Variants in PCDHGA2 observed in about 807,000 individuals in gnomAD.
PCDHGA2 encodes the protein protocadherin gamma-A2.
In PCDHGA2, 40 loss-of-function variants were observed where a neutral mutation model predicts 59.2. The observed-to-expected ratio is 0.68, with a 90% CI of 0.52 to 0.88. The LOEUF is 0.88. PCDHGA2 is among the 40% of genes least tolerant of loss of function. The pLI, the probability that PCDHGA2 is intolerant of heterozygous loss-of-function variation, is 0.00. For synonymous variants in PCDHGA2, 560 were observed against 526.0 expected, an observed-to-expected ratio of 1.06 and a Z score of -0.89; for missense variants, 1,226 against 1,204.0, an observed-to-expected ratio of 1.02 and a Z score of -0.27.
chr5:141,459,259 G>T (rs996530664), intron 1 of PCDHGA2, among the ~76,000 whole-genome samples: 1 of 152,140 alleles, frequency 6.6e-6, no homozygotes, highest in Non-Finnish European at 1.5e-5. Context: ...ATAAATTAGT[G>T]TTGCCTCTTT....
At chr5:141,357,048 A>G (rs754579406) in intron 1 of PCDHGA2, 6 of 1,613,890 alleles carry the variant, frequency 3.7e-6, no homozygotes, top group East Asian at 2.2e-5. Flanking sequence ...AGCCGGGACT[A>G]TTTGCAGTGG....
At chr5:141,371,306 TG>T in intron 1 of PCDHGA2, 1 of 1,613,950 alleles carries the variant, frequency 6.2e-7, no homozygotes, top group Non-Finnish European at 8.5e-7. Flanking sequence ...TCACCACTAT[TG>T]GAGAACTGGA....
intron 1 of PCDHGA2, among the ~76,000 whole-genome samples, chr5:141,368,786 T>A (rs997077499): frequency 6.6e-6 from 1 of 152,202 alleles, no homozygotes; most frequent in Non-Finnish European, 1.5e-5. Flanking sequence ...TTCTGAAGAA[T>A]AATTTTTCAT....
Position 141,344,046 on chromosome 5 carries a change from C to T in PCDHGA2, c.2424+2651C>T, listed in dbSNP as rs76843294. 7.8e-4 allele frequency: 1,215 copies of T among 1,556,366 alleles called. 14 individuals carry two copies. In the African/African-American group the frequency reaches 0.015, roughly 19 times the overall value. On this transcript the variant is annotated intron_variant, in intron 1 of 3. Coordinates refer to ENST00000394576, the MANE Select transcript of PCDHGA2 (RefSeq NM_018915.4). The stretch of plus-strand genomic sequence containing the variant: ...CACCGAAAAGGAAATGACCAATTGC[C>T]TGAGTTTCCGAAATGGCAGAGGACT...
intron 1 of PCDHGA2, chr5:141,420,339 T>C: frequency 7.2e-7 from 1 of 1,395,458 alleles, no homozygotes; most frequent in Non-Finnish European, 9.6e-7. Context: ...TCCAATATAG[T>C]GGTATTATTT....
intron 2 of PCDHGA2, among the ~76,000 whole-genome samples, chr5:141,503,598 CAA>C (rs765754054): frequency 2.7e-4 from 18 of 65,718 alleles, no homozygotes; most frequent in Admixed American, 6.9e-4. Flanking sequence ...GACTCCAGCT[CAA>C]AAAAAAAAAA....
intron 1 of PCDHGA2, among the ~76,000 whole-genome samples, chr5:141,469,289 A>G (rs2154570270): frequency 6.6e-6 from 1 of 151,932 alleles, no homozygotes; most frequent in South Asian, 2.1e-4. Flanking sequence ...AAAATAAAAC[A>G]AAATAGACTG....
intron 1 of PCDHGA2, chr5:141,360,024 G>A: frequency 7.5e-7 from 1 of 1,336,490 alleles, no homozygotes; most frequent in South Asian, 1.6e-5. Flanking sequence ...GAGAAGGCCA[G>A]TATAGATTCG....
rs2099710219 is a variant in PCDHGA2, at chr5:141,491,289, C to A, written c.2425-3518C>A. On this transcript the variant is annotated intron_variant, in intron 1 of 3. Transcript: ENST00000394576. The surrounding 1 kb of genome is among the most constrained non-coding windows in gnomAD (Gnocchi z 6.9). The stretch of plus-strand genomic sequence containing the variant: ...CCAAATCCAGTGACTTCCTCATACA[C>A]CCTCCTGAGCGTTCAGACCTTACCC... 1 of 1,614,112 alleles carries A rather than the reference C, an allele frequency of 6.2e-7. No homozygotes were observed. Among genetic ancestry groups the A allele is most frequent in the Non-Finnish European group, 8.5e-7 (1 of 1,179,942 alleles).
intron 1 of PCDHGA2, chr5:141,356,942 C>A: frequency 6.2e-7 from 1 of 1,614,230 alleles, no homozygotes; most frequent in Non-Finnish European, 8.5e-7. Flanking sequence ...GCACCCCGCT[C>A]CGCAGATTCC....
At chr5:141,451,365 G>A (rs557753113) in intron 1 of PCDHGA2, among the ~76,000 whole-genome samples, 2 of 152,234 alleles carry the variant, frequency 1.3e-5, no homozygotes, top group South Asian at 4.1e-4. Context: ...GGATGGATCC[G>A]CTTCTAATCT....
chr5:141,345,148 A>G, intron 1 of PCDHGA2: 6 of 1,614,046 alleles, frequency 3.7e-6, no homozygotes, highest in Non-Finnish European at 4.2e-6. Context: ...ATCGACGTGC[A>G]TGACCGAGAT....
chr5:141,441,750 A>C, intron 1 of PCDHGA2: 1 of 374,962 alleles, frequency 2.7e-6, no homozygotes, highest in South Asian at 2.1e-5. Context: ...GCTCGGCGTC[A>C]ACGTGAGCCT....
At chr5:141,355,268 T>C (rs1220668152) in intron 1 of PCDHGA2, 1 of 1,613,650 alleles carries the variant, frequency 6.2e-7, no homozygotes, top group Admixed American at 1.7e-5. Flanking sequence ...CTGGGGGTTC[T>C]GGTGGAAATC....
intron 1 of PCDHGA2, chr5:141,417,652 GCCTGGGATTC>G: frequency 2.4e-6 from 2 of 840,506 alleles, no homozygotes; most frequent in Non-Finnish European, 3.5e-6. Context: ...TCAGCCTCTA[GCCTGGGATTC>G]CCTGCGCAGC....
At chr5:141,455,394 C>T (rs1034564159) in intron 1 of PCDHGA2, among the ~76,000 whole-genome samples, 2 of 152,004 alleles carry the variant, frequency 1.3e-5, no homozygotes, top group African/African-American at 4.8e-5. Context: ...AAGGAGCTCC[C>T]CCTTACAGAG....
At chr5:141,498,967 GGGAGGGAAGGAA>G (rs1374222518) in intron 2 of PCDHGA2, among the ~76,000 whole-genome samples, 13 of 129,674 alleles carry the variant, frequency 1.0e-4, no homozygotes, top group South Asian at 5.5e-4. Context: ...GAGGGAGGGA[GGGAGGGAAGGAA>G]GGAAGGAAGG....
chr5:141,409,116 A>G (rs1236625059), intron 1 of PCDHGA2: 1 of 1,614,034 alleles, frequency 6.2e-7, no homozygotes. Flanking sequence ...AAGAATAACC[A>G]GTCATTTGAT....
chr5:141,436,842 T>G (rs986680968), intron 1 of PCDHGA2, among the ~76,000 whole-genome samples: 3 of 152,376 alleles, frequency 2.0e-5, no homozygotes, highest in African/African-American at 7.2e-5. Flanking sequence ...CCTAGGCACA[T>G]TCTTGATTGA....
Sources: gnomAD v4.1 joint callset for allele counts (sites outside exome capture counted in the v4.1 genomes callset) on GRCh38, gnomAD v4.1.1 for gene constraint, Gnocchi (gnomAD v3.1) non-coding constraint, MANE v1.5 for transcripts, NCBI Gene and HGNC (gene_info 2026-07-23, HGNC 2026-07-21) for gene names.